Variants in ARL8B observed in about 807,000 individuals in gnomAD.
ARL8B encodes the protein ARF like GTPase 8B.
Under a neutral mutation model 30.6 loss-of-function variants are expected in ARL8B, and 9 were observed. That is an observed-to-expected ratio of 0.29 (90% confidence interval 0.18 to 0.51). The LOEUF (loss-of-function observed/expected upper bound fraction) is 0.51, where lower values mean the gene tolerates loss of function less well. ARL8B is among the 20% of genes least tolerant of loss of function. The pLI is 0.97. For missense variants in ARL8B, 130 were observed against 227.2 expected, an observed-to-expected ratio of 0.57 and a Z score of 2.75; for synonymous variants, 74 against 76.0, an observed-to-expected ratio of 0.97 and a Z score of 0.14.
At chr3:5,175,949 T>G (rs1200891961) in intron 6 of ARL8B, among the ~76,000 whole-genome samples, 1 of 152,212 alleles carries the variant, frequency 6.6e-6, no homozygotes, top group Non-Finnish European at 1.5e-5. Flanking sequence ...CTATTTCCAG[T>G]AAAAGTCACA....
intron 1 of ARL8B, among the ~76,000 whole-genome samples, chr3:5,165,205 C>T (rs1181034487): frequency 6.6e-6 from 1 of 152,152 alleles, no homozygotes; most frequent in African/African-American, 2.4e-5. Context: ...ATCAAAATTT[C>T]CCCCTAGACG....
rs562432659 is a variant in ARL8B at position 5,130,818 on chromosome 3, A to G, written c.123+8230A>G. Among the ~76,000 whole-genome samples the G allele has an allele frequency of 3.5e-3, 530 of 152,344 alleles. 1 individual carries two copies. Among genetic ancestry groups the G allele is most frequent in the Admixed American group, 5.8e-3 (88 of 15,304 alleles). On this transcript the variant is annotated intron_variant, in intron 1 of 6. Transcript: ENST00000256496. ...AGGCATGAGCCACCACGCCCAGCCTATGAACCTATATTCTTACTTCAGTAT... is the reference window on the plus strand; with the variant it reads ...AGGCATGAGCCACCACGCCCAGCCTGTGAACCTATATTCTTACTTCAGTAT...
intron 1 of ARL8B, among the ~76,000 whole-genome samples, chr3:5,166,252 G>A (rs562122061): frequency 3.3e-5 from 5 of 151,808 alleles, no homozygotes; most frequent in Admixed American, 1.3e-4. Flanking sequence ...GTTGGCCCAG[G>A]TGGTCTTGAT....
chr3:5,172,447 GT>G (rs2054685013), intron 3 of ARL8B, among the ~76,000 whole-genome samples, 199 bp from the exon 4 acceptor site: 2 of 152,138 alleles, frequency 1.3e-5, no homozygotes, highest in African/African-American at 4.8e-5. Context: ...GGGTGTACAT[GT>G]TTTACTATCA....
chr3:5,130,538 T>G (rs2054273569), intron 1 of ARL8B, among the ~76,000 whole-genome samples: 1 of 152,026 alleles, frequency 6.6e-6, no homozygotes, highest in African/African-American at 2.4e-5. Flanking sequence ...GTGTGTGTTT[T>G]TTTTTTTGGC....
intron 1 of ARL8B, among the ~76,000 whole-genome samples, chr3:5,143,382 A>G (rs2054391781): frequency 6.6e-6 from 1 of 152,000 alleles, no homozygotes; most frequent in Non-Finnish European, 1.5e-5. Context: ...GCAGTGACAG[A>G]CTCTTATAAG....
At position 5,167,213 on chromosome 3, in the gene ARL8B, G is replaced by A. The variant is rs930094395; in HGVS notation, c.124-3290G>A. 4.6e-5 allele frequency among the ~76,000 whole-genome samples: 7 copies of A among 152,178 alleles called. No homozygotes were observed. The East Asian group carries it at 5.8e-4, about 13-fold the overall frequency. ...TTATAGGAGGGTAAGCATTATGACA[G>A]TGACAGCTCCATCTGCCATCACAGA... is the stretch of plus-strand genomic sequence containing the variant. On this transcript the variant is annotated intron_variant, in intron 1 of 6. Coordinates refer to ENST00000256496, the MANE Select transcript of ARL8B (RefSeq NM_018184.3).
intron 1 of ARL8B, among the ~76,000 whole-genome samples, chr3:5,166,903 A>C (rs1254615010): frequency 6.6e-6 from 1 of 152,200 alleles, no homozygotes; most frequent in East Asian, 1.9e-4. Flanking sequence ...CTGCTGTTGT[A>C]GCATTCATCT....
chr3:5,175,891 C>A (rs1203845296), intron 6 of ARL8B, among the ~76,000 whole-genome samples: 2 of 152,090 alleles, frequency 1.3e-5, no homozygotes, highest in East Asian at 3.9e-4. Flanking sequence ...TAGGTAGGGC[C>A]CACCTAATCC....
At chr3:5,125,972 A>G (rs2054227028) in intron 1 of ARL8B, among the ~76,000 whole-genome samples, 1 of 152,228 alleles carries the variant, frequency 6.6e-6, no homozygotes, top group Non-Finnish European at 1.5e-5. Flanking sequence ...CATGTATCAG[A>G]ACATCTCATT....
At chr3:5,125,293 T>A (rs2054220664) in intron 1 of ARL8B, among the ~76,000 whole-genome samples, 1 of 152,188 alleles carries the variant, frequency 6.6e-6, no homozygotes, top group African/African-American at 2.4e-5. Flanking sequence ...TGGGCGTACC[T>A]GTTTAATGCA....
At chr3:5,169,310 TGTG>T (rs2054650307) in intron 1 of ARL8B, among the ~76,000 whole-genome samples, 1 of 92,322 alleles carries the variant, frequency 1.1e-5, no homozygotes, top group African/African-American at 6.2e-5. Context: ...AGTGTTTGTG[TGTG>T]TGTGTGTGTG....
At chr3:5,128,303 C>G (rs1559274292) in intron 1 of ARL8B, among the ~76,000 whole-genome samples, 1 of 152,128 alleles carries the variant, frequency 6.6e-6, no homozygotes. Flanking sequence ...TTTTACACAT[C>G]TGAAACTTGA....
intron 4 of ARL8B, among the ~76,000 whole-genome samples, chr3:5,173,614 C>T (rs751870212): frequency 6.6e-6 from 1 of 151,974 alleles, no homozygotes; most frequent in Non-Finnish European, 1.5e-5. Context: ...CCTGTAGTCC[C>T]AGCTACGGCA....
At chr3:5,164,564 T>C (rs563839514) in intron 1 of ARL8B, among the ~76,000 whole-genome samples, 15 of 152,356 alleles carry the variant, frequency 9.8e-5, no homozygotes, top group African/African-American at 2.9e-4. Context: ...CCTTACAGCA[T>C]TCAATTTTCT....
chr3:5,159,009 A>G (rs1043724938), intron 1 of ARL8B, among the ~76,000 whole-genome samples: 19 of 152,190 alleles, frequency 1.2e-4, no homozygotes, highest in African/African-American at 4.6e-4. Context: ...CTGTAACCCC[A>G]GCACTTTGGG....
chr3:5,160,714 C>T (rs1201439514), intron 1 of ARL8B, among the ~76,000 whole-genome samples: 1 of 152,092 alleles, frequency 6.6e-6, no homozygotes, highest in Admixed American at 6.5e-5. Flanking sequence ...ACCAGTTGAT[C>T]CCCTGTAATA....
intron 6 of ARL8B, among the ~76,000 whole-genome samples, chr3:5,177,156 G>T (rs1480429286): frequency 1.3e-5 from 2 of 152,102 alleles, no homozygotes; most frequent in Non-Finnish European, 2.9e-5. Flanking sequence ...GCTCATATAT[G>T]GAAGTGCAGT....
chr3:5,128,301 A>T (rs1332949856), intron 1 of ARL8B, among the ~76,000 whole-genome samples: 1 of 152,180 alleles, frequency 6.6e-6, no homozygotes, highest in Non-Finnish European at 1.5e-5. Flanking sequence ...TGTTTTACAC[A>T]TCTGAAACTT....
Sources: gnomAD v4.1 joint callset for allele counts (sites outside exome capture counted in the v4.1 genomes callset) on GRCh38, gnomAD v4.1.1 for gene constraint, MANE v1.5 for transcripts, NCBI Gene and HGNC (gene_info 2026-07-23, HGNC 2026-07-21) for gene names.